The following GRIK2 variants were observed in gnomAD, a reference collection of about 807,000 sequenced individuals.
GRIK2 encodes glutamate receptor ionotropic, kainate 2.
In GRIK2, 32 loss-of-function variants were observed where a neutral mutation model predicts 100.3. The observed-to-expected ratio is 0.32, with a 90% CI of 0.24 to 0.43. The LOEUF (loss-of-function observed/expected upper bound fraction) is 0.43. Among genes scored for constraint, GRIK2 ranks in the 20% least tolerant of loss-of-function variants. GRIK2 has a pLI of 1.00. For synonymous variants in GRIK2, 417 were observed against 389.4 expected, an observed-to-expected ratio of 1.07 and a Z score of -0.83; for missense variants, 843 against 1,114.9, an observed-to-expected ratio of 0.76 and a Z score of 3.47.
intron 13 of GRIK2, among the ~76,000 whole-genome samples, chr6:101,926,814 G>A (rs1034113140): frequency 5.3e-5 from 8 of 152,126 alleles, no homozygotes; most frequent in African/African-American, 1.7e-4. Context: ...AAGACTAGGA[G>A]GTACTCGCTT....
At chr6:101,815,761 C>T (rs1359336937) in intron 9 of GRIK2, among the ~76,000 whole-genome samples, 3 of 152,078 alleles carry the variant, frequency 2.0e-5, no homozygotes, top group Non-Finnish European at 4.4e-5. Context: ...TGACAATTTC[C>T]TCAATGGAAG....
chr6:102,014,906 T>C (rs1311166440), intron 14 of GRIK2, among the ~76,000 whole-genome samples: 1 of 152,156 alleles, frequency 6.6e-6, no homozygotes, highest in Non-Finnish European at 1.5e-5. Context: ...AGAATGTATA[T>C]TCTGTTGTTT....
intron 2 of GRIK2, among the ~76,000 whole-genome samples, chr6:101,541,375 A>AC (rs71028074): frequency 0.22 from 3,882 of 17,482 alleles, 101 homozygotes; most frequent in East Asian, 0.48. Flanking sequence ...AGCGCACACA[A>AC]CCACACACAC....
chr6:101,903,738 C>A (rs2128462602), intron 12 of GRIK2, among the ~76,000 whole-genome samples: 1 of 150,772 alleles, frequency 6.6e-6, no homozygotes, highest in African/African-American at 2.4e-5. Flanking sequence ...TATTCAAATA[C>A]ATCAATGTTT....
intron 3 of GRIK2, among the ~76,000 whole-genome samples, chr6:101,623,376 A>G (rs1780262953): frequency 6.6e-6 from 1 of 152,054 alleles, no homozygotes. Flanking sequence ...ACTGAGAAAA[A>G]GGTTAAAGGT....
intron 15 of GRIK2, among the ~76,000 whole-genome samples, chr6:102,039,392 G>T (rs1157440293): frequency 1.3e-5 from 2 of 151,446 alleles, no homozygotes; most frequent in Non-Finnish European, 3.0e-5. Flanking sequence ...GTAGATTTTT[G>T]AAGTTGCAGG....
chr6:101,996,809 A>G (rs1582689160), intron 14 of GRIK2, among the ~76,000 whole-genome samples: 1 of 152,210 alleles, frequency 6.6e-6, no homozygotes, highest in East Asian at 1.9e-4. Context: ...GTTATATTGA[A>G]TCACTACTTA....
intron 2 of GRIK2, among the ~76,000 whole-genome samples, chr6:101,559,513 A>G (rs1347954446): frequency 6.6e-6 from 1 of 152,120 alleles, no homozygotes; most frequent in East Asian, 1.9e-4. Context: ...TTATTTGGAG[A>G]TTACAATTAT....
At chr6:101,426,960 A>G (rs1175989864) in intron 2 of GRIK2, among the ~76,000 whole-genome samples, 1 of 152,196 alleles carries the variant, frequency 6.6e-6, no homozygotes, top group East Asian at 1.9e-4. Flanking sequence ...AGGGTGATAT[A>G]TAATATGCTT....
intron 14 of GRIK2, among the ~76,000 whole-genome samples, chr6:101,930,241 C>T (rs951852745): frequency 1.3e-5 from 2 of 151,632 alleles, no homozygotes; most frequent in Non-Finnish European, 2.9e-5. Context: ...ACTTGGGAGG[C>T]TGAGGCTGGA....
chr6:101,535,316 TG>T (rs1401159647), intron 2 of GRIK2, among the ~76,000 whole-genome samples: 2 of 151,796 alleles, frequency 1.3e-5, no homozygotes, highest in African/African-American at 4.8e-5. Context: ...TACATCAGTA[TG>T]GTAGCAATAT....
At chr6:101,715,431 A>G (rs1773996674) in intron 7 of GRIK2, among the ~76,000 whole-genome samples, 2 of 151,748 alleles carry the variant, frequency 1.3e-5, no homozygotes, top group Non-Finnish European at 2.9e-5. Flanking sequence ...AGGAGGAAAG[A>G]AAGACAAGAC....
chr6:101,429,626 A>G (rs9404105), intron 2 of GRIK2, among the ~76,000 whole-genome samples: 78,234 of 151,950 alleles, frequency 0.51, 20,688 homozygotes, highest in East Asian at 0.87. Context: ...TCTCTGGCCT[A>G]TAAGAAGGAA....
At chr6:102,012,176 G>T (rs1795581476) in intron 14 of GRIK2, among the ~76,000 whole-genome samples, 1 of 151,924 alleles carries the variant, frequency 6.6e-6, no homozygotes, top group Non-Finnish European at 1.5e-5. Flanking sequence ...CATACTTCTG[G>T]TCTATTTATT....
At chr6:101,991,715 A>G (rs1582680219) in intron 14 of GRIK2, among the ~76,000 whole-genome samples, 1 of 151,532 alleles carries the variant, frequency 6.6e-6, no homozygotes, top group African/African-American at 2.4e-5. Flanking sequence ...TTTAGTACTC[A>G]GTAGTAAGAA....
chr6:101,887,269 T>C (rs1228289819), intron 11 of GRIK2, among the ~76,000 whole-genome samples: 4 of 152,180 alleles, frequency 2.6e-5, no homozygotes, highest in Non-Finnish European at 1.5e-5. Flanking sequence ...ACAATGTATA[T>C]GTACTTCAAA....
At chr6:101,750,456 T>C (rs1348665599) in intron 7 of GRIK2, among the ~76,000 whole-genome samples, 1 of 152,152 alleles carries the variant, frequency 6.6e-6, no homozygotes, top group African/African-American at 2.4e-5. Flanking sequence ...TCATTGGGAA[T>C]AGTAAGGTAA....
chr6:101,730,988 C>G (rs1253711809), intron 7 of GRIK2, among the ~76,000 whole-genome samples: 2 of 151,894 alleles, frequency 1.3e-5, no homozygotes, highest in African/African-American at 2.4e-5. Context: ...GATATCAAAT[C>G]TTATCACTGC....
At chr6:101,561,541 G>A (rs1777011892) in intron 2 of GRIK2, among the ~76,000 whole-genome samples, 1 of 152,042 alleles carries the variant, frequency 6.6e-6, no homozygotes, top group Admixed American at 6.6e-5. Context: ...ATTATGAGAT[G>A]ATGGATATCC....
Sources: gnomAD v4.1 joint callset for allele counts (sites outside exome capture counted in the v4.1 genomes callset) on GRCh38, gnomAD v4.1.1 for gene constraint, MANE v1.5 for transcripts, NCBI Gene and HGNC (gene_info 2026-07-23, HGNC 2026-07-21) for gene names.